Variants in SH2D3C observed in about 807,000 individuals in gnomAD.
SH2D3C encodes SH2 domain containing 3C, also known as SH2 domain-containing protein 3C.
Under a neutral mutation model 75.2 loss-of-function variants are expected in SH2D3C, and 25 were observed. The ratio of observed to expected loss-of-function variants is 0.33; its 90% CI spans 0.24 to 0.46. SH2D3C has a LOEUF of 0.46. SH2D3C is among the 20% of genes least tolerant of loss of function. SH2D3C has a pLI of 1.00. For synonymous variants in SH2D3C, 450 were observed against 473.7 expected, an observed-to-expected ratio of 0.95 and a Z score of 0.65; for missense variants, 933 against 1,165.3, an observed-to-expected ratio of 0.80 and a Z score of 2.90.
intron 2 of SH2D3C, among the ~76,000 whole-genome samples, chr9:127,766,559 TTTTG>T (rs376947206): frequency 8.7e-4 from 132 of 152,058 alleles, no homozygotes; most frequent in South Asian, 7.1e-3. Flanking sequence ...TCCTTCCTGT[TTTTG>T]TTTGTTTGTT....
Position 127,749,702 on chromosome 9 carries a change from C to G in SH2D3C, c.685-37G>C. Reference sequence around the variant, plus strand: ...ATGGTTAGGCTGGAGTAGGGTGGGGCCAGGAGAGGGTCAGACCCAGGATCT... The same window carrying G: ...ATGGTTAGGCTGGAGTAGGGTGGGGGCAGGAGAGGGTCAGACCCAGGATCT... On this transcript the variant is annotated intron_variant, in intron 4 of 11. Coordinates refer to ENST00000314830, the MANE Select transcript of SH2D3C (RefSeq NM_170600.3). The surrounding 1 kb of genome is among the most constrained non-coding windows in gnomAD (Gnocchi z 5.9). 3.6e-6 allele frequency: 5 copies of G among 1,387,934 alleles called. No homozygotes were observed. Among genetic ancestry groups the G allele is most frequent in the Non-Finnish European group, 4.9e-6 (5 of 1,012,030 alleles). The allele number at this position is 1,387,934 out of a possible 1,614,324, so 86.0% of individuals were successfully genotyped here. A position where few individuals can be genotyped will look rare whatever the true frequency, so the allele number is the denominator to read the frequency against.
In SH2D3C at chr9:127,774,451, C is replaced by T; in HGVS notation, c.54G>A (p.Lys18=). 1.3e-6 allele frequency: 2 copies of T among 1,563,132 alleles called. No homozygotes were observed. Among genetic ancestry groups the T allele is most frequent in the Non-Finnish European group, 1.8e-6 (2 of 1,134,068 alleles). ...TSKKFKFFKF[K]GFGSLSNLPR... ...GGAGGTTGGAGAGACTCCCAAAGCC[C>T]TTGAACTTGAAGAACTCTAGCAGAG... Residue 18 remains lysine (K), a synonymous_variant, in exon 2 of 12, where the codon AAG becomes AAA. Coordinates refer to ENST00000314830, the MANE Select transcript of SH2D3C (RefSeq NM_170600.3). This position sits in a 1 kb window ranked among gnomAD's most constrained non-coding sequence, Gnocchi z 4.3.
chr9:127,749,310 G>T lies in SH2D3C; in HGVS notation c.1040C>A (p.Pro347His). ...GSSKPASPVS[P>H]SGPKGSHMKR... ...CATGTGGCTGCCCTTGGGGCCTGAG[G>T]GGCTGACGGGGCTAGCAGGCTTGCT... is the stretch of plus-strand genomic sequence containing the variant. The change falls in exon 5 of 12, where the codon CCC becomes CAC. Residue 347 changes from proline (P) to histidine (H), a missense_variant. Physicochemically the swap from Pro to His is moderately conservative, Grantham distance 77 (BLOSUM62 -2). Coordinates refer to ENST00000314830, the MANE Select transcript of SH2D3C (RefSeq NM_170600.3). This position sits in a 1 kb window ranked among gnomAD's most constrained non-coding sequence, Gnocchi z 5.9. 1 of 1,611,612 alleles carries T rather than the reference G, an allele frequency of 6.2e-7. No individual in the cohort carries two copies. Among genetic ancestry groups the T allele is most frequent in the East Asian group, 2.2e-5 (1 of 44,856 alleles).
intron 2 of SH2D3C, chr9:127,771,299 CA>C: frequency 6.6e-7 from 1 of 1,503,776 alleles, no homozygotes; most frequent in Non-Finnish European, 8.9e-7. Flanking sequence ...TTTCTCGGGC[CA>C]CTGAGCTGCA....
In SH2D3C at chr9:127,774,131, A is replaced by G; in HGVS notation, c.374T>C (p.Val125Ala). ...PGLEAAKEVM[V>A]KATGPLEDTP... ...GTCCTCTAGAGGGCCAGTGGCCTTC[A>G]CCATCACCTCTTTGGCTGCCTCCAA... Residue 125 changes from valine to alanine, a missense_variant, in exon 2 of 12, where the codon GTG becomes GCG. Physicochemically the swap from Val to Ala is moderately conservative, Grantham distance 64. Coordinates refer to ENST00000314830, the MANE Select transcript of SH2D3C (RefSeq NM_170600.3). The surrounding 1 kb of genome is among the most constrained non-coding windows in gnomAD (Gnocchi z 4.3). The G allele has an allele frequency of 6.2e-7, 1 of 1,614,070 alleles. No homozygotes were observed. The highest frequency in any genetic ancestry group is 8.5e-7 in the Non-Finnish European group (1 of 1,179,996).
At chr9:127,771,018 G>A (rs1032378542) in intron 2 of SH2D3C, among the ~76,000 whole-genome samples, 1 of 152,212 alleles carries the variant, frequency 6.6e-6, no homozygotes, top group African/African-American at 2.4e-5. Flanking sequence ...TAGATAAGCA[G>A]ATGCCTGACC....
At chr9:127,761,331 G>A (rs1845519466) in intron 3 of SH2D3C, among the ~76,000 whole-genome samples, 1 of 152,192 alleles carries the variant, frequency 6.6e-6, no homozygotes, top group Admixed American at 6.5e-5. Context: ...GACACTGTTG[G>A]GGCCCCGTCC....
At chr9:127,746,774 C>T (rs1334771017) in intron 6 of SH2D3C, among the ~76,000 whole-genome samples, 1 of 152,224 alleles carries the variant, frequency 6.6e-6, no homozygotes, top group African/African-American at 2.4e-5. Context: ...ACCGTCTCTA[C>T]TAAAAATACA....
intron 2 of SH2D3C, chr9:127,762,179 G>A (rs973548246): frequency 2.5e-5 from 29 of 1,181,672 alleles, no homozygotes; most frequent in African/African-American, 3.2e-5. Flanking sequence ...AGCTGACTGC[G>A]GAGCCACTGC....
At chr9:127,747,858 C>T (rs776522961) in intron 5 of SH2D3C, among the ~76,000 whole-genome samples, 1 of 152,104 alleles carries the variant, frequency 6.6e-6, no homozygotes, top group Non-Finnish European at 1.5e-5. Context: ...GGTTCCTAGT[C>T]GGTATCTTCC....
rs1845323740 is a variant in SH2D3C, at chr9:127,754,943, G to A, written c.556-3643C>T. ...TGGGGTGACCCCGCCCCCTCCCCGGGTCGGCCGGGCCCAGCCCAGCCCGAC... is the reference window on the plus strand; with the variant it reads ...TGGGGTGACCCCGCCCCCTCCCCGGATCGGCCGGGCCCAGCCCAGCCCGAC... On this transcript the variant is annotated intron_variant, in intron 3 of 11. Transcript: ENST00000314830. The surrounding 1 kb of genome is among the most constrained non-coding windows in gnomAD (Gnocchi z 4.4). The A allele has an allele frequency of 3.9e-6, 2 of 516,010 alleles. No homozygotes were observed. Among genetic ancestry groups the A allele is most frequent in the South Asian group, 1.7e-5 (1 of 60,072 alleles). The allele number at this position is 516,010 out of a possible 1,614,324, so 32.0% of individuals were successfully genotyped here.
intron 2 of SH2D3C, among the ~76,000 whole-genome samples, chr9:127,764,957 C>A (rs901356029): frequency 6.6e-6 from 1 of 152,262 alleles, no homozygotes; most frequent in East Asian, 1.9e-4. Flanking sequence ...GATCTGCCTG[C>A]CTCAGCCTCC....
At chr9:127,759,548 C>T (rs952978126) in intron 3 of SH2D3C, among the ~76,000 whole-genome samples, 6 of 151,980 alleles carry the variant, frequency 3.9e-5, no homozygotes, top group African/African-American at 9.7e-5. Flanking sequence ...CATGCTTTGA[C>T]GGGACTAAAA....
intron 2 of SH2D3C, among the ~76,000 whole-genome samples, chr9:127,773,568 G>T (rs1009186638): frequency 1.3e-5 from 2 of 152,116 alleles, no homozygotes; most frequent in Admixed American, 6.6e-5. Context: ...ACAAGTAAAG[G>T]GTTTAGCACA....
chr9:127,774,646 T>C lies in SH2D3C; in HGVS notation c.38-179A>G, dbSNP rs1268323061. The stretch of plus-strand genomic sequence containing the variant: ...ATGGTATAAGATGGGAGCTTTGGAG[T>C]CACGGGGCCCTGGACTTGAATTCCT... On this transcript the variant is annotated intron_variant, in intron 1 of 11. Transcript: ENST00000314830. The surrounding 1 kb of genome is among the most constrained non-coding windows in gnomAD (Gnocchi z 4.3). Among the ~76,000 whole-genome samples the C allele has an allele frequency of 6.6e-6, 1 of 152,056 alleles. No individual in the cohort carries two copies. The highest frequency in any genetic ancestry group is 1.5e-5 in the Non-Finnish European group (1 of 68,012).
At chr9:127,748,892 G>T (rs780760249) in intron 5 of SH2D3C, among the ~76,000 whole-genome samples, 13 of 152,188 alleles carry the variant, frequency 8.5e-5, no homozygotes, top group Non-Finnish European at 1.2e-4. Flanking sequence ...CAGGACTCAG[G>T]GCTCCCCTGG....
At position 127,754,865 on chromosome 9, in the gene SH2D3C, A is replaced by G; in HGVS notation, c.556-3565T>C. 1 of 501,010 alleles carries G rather than the reference A, an allele frequency of 2.0e-6. No individual in the cohort carries two copies. The highest frequency in any genetic ancestry group is 4.0e-6 in the Non-Finnish European group (1 of 247,262). 31.0% of individuals were successfully genotyped at this position (501,010 alleles called of 1,614,324 possible). On this transcript the variant is annotated intron_variant, in intron 3 of 11. Transcript: ENST00000314830. This position sits in a 1 kb window ranked among gnomAD's most constrained non-coding sequence, Gnocchi z 4.4. ...ATCTACCGCAGCCCAGAGTCCCAGG[A>G]GTGGCCGCCGAACCCTCACCCCGCG...
chr9:127,775,772 T>C (rs960548496), intron 1 of SH2D3C, among the ~76,000 whole-genome samples: 3 of 151,414 alleles, frequency 2.0e-5, no homozygotes, highest in East Asian at 2.0e-4. Flanking sequence ...ATGGCACCAC[T>C]GCACTCCAGC....
At chr9:127,771,189 C>T in intron 2 of SH2D3C, 1 of 1,544,212 alleles carries the variant, frequency 6.5e-7, no homozygotes, top group Non-Finnish European at 8.7e-7. Context: ...CACTCACCCT[C>T]GGGACCCCAG....
Sources: allele counts gnomAD v4.1 joint callset (sites outside exome capture counted in the v4.1 genomes callset), GRCh38; gene constraint gnomAD v4.1.1; non-coding constraint Gnocchi (gnomAD v3.1); transcripts MANE v1.5; gene names NCBI Gene and HGNC (gene_info 2026-07-23, HGNC 2026-07-21).